ST6GALNAC3: variants seen among roughly 807,000 people sequenced by gnomAD.
The protein encoded by ST6GALNAC3 is alpha-N-acetylgalactosaminide alpha-2,6-sialyltransferase 3.
ST6GALNAC3 carries 25 observed loss-of-function variants against 32.7 expected under a neutral mutation model. That is an observed-to-expected ratio of 0.76 (90% CI 0.56 to 1.07). The LOEUF (loss-of-function observed/expected upper bound fraction) is 1.07. Among genes scored for constraint, ST6GALNAC3 ranks in the 50% least tolerant of loss-of-function variants. The pLI is 0.00. For missense variants in ST6GALNAC3, 355 were observed against 382.4 expected, an observed-to-expected ratio of 0.93 and a Z score of 0.60; for synonymous variants, 129 against 133.1, an observed-to-expected ratio of 0.97 and a Z score of 0.21.
intron 3 of ST6GALNAC3, among the ~76,000 whole-genome samples, chr1:76,611,044 A>G (rs1647895634): frequency 6.6e-6 from 1 of 151,206 alleles, no homozygotes. Flanking sequence ...AAATTAGAGA[A>G]TTAATCTTTT....
At chr1:76,514,048 CA>C (rs1662028516) in intron 3 of ST6GALNAC3, among the ~76,000 whole-genome samples, 2 of 152,072 alleles carry the variant, frequency 1.3e-5, no homozygotes, top group Admixed American at 1.3e-4. Flanking sequence ...TTAGTTTTAA[CA>C]GTTTTGTTGT....
chr1:76,581,580 T>C (rs1646892483), intron 3 of ST6GALNAC3, among the ~76,000 whole-genome samples: 1 of 152,206 alleles, frequency 6.6e-6, no homozygotes, highest in Non-Finnish European at 1.5e-5. Context: ...ACATTTTTAC[T>C]GTACTCACTC....
intron 1 of ST6GALNAC3, among the ~76,000 whole-genome samples, chr1:76,196,817 C>T (rs1414378677): frequency 6.6e-6 from 1 of 152,076 alleles, no homozygotes; most frequent in Non-Finnish European, 1.5e-5. Flanking sequence ...AGGTTTGATG[C>T]CCTTTTCTTT....
intron 1 of ST6GALNAC3, among the ~76,000 whole-genome samples, chr1:76,296,570 A>AT (rs1660417262): frequency 6.6e-6 from 1 of 151,922 alleles, no homozygotes; most frequent in Non-Finnish European, 1.5e-5. Flanking sequence ...TTTACTGTCC[A>AT]TTTCCAGACC....
chr1:76,167,284 T>C (rs1652185775), intron 1 of ST6GALNAC3, among the ~76,000 whole-genome samples: 1 of 152,234 alleles, frequency 6.6e-6, no homozygotes, highest in African/African-American at 2.4e-5. Flanking sequence ...GTTCTGTTTA[T>C]ATGATGGCTC....
At chr1:76,589,307 A>T (rs537400480) in intron 3 of ST6GALNAC3, among the ~76,000 whole-genome samples, 3 of 152,122 alleles carry the variant, frequency 2.0e-5, no homozygotes, top group African/African-American at 7.2e-5. Flanking sequence ...TGCAAAAATC[A>T]TGCACTTTCC....
chr1:76,246,240 T>C (rs1462904249), intron 1 of ST6GALNAC3, among the ~76,000 whole-genome samples: 1 of 152,188 alleles, frequency 6.6e-6, no homozygotes, highest in African/African-American at 2.4e-5. Context: ...TCCTGCTTTT[T>C]TTTGGGCTTT....
chr1:76,405,908 T>C (rs1405462544), intron 2 of ST6GALNAC3, among the ~76,000 whole-genome samples: 8 of 151,950 alleles, frequency 5.3e-5, no homozygotes, highest in African/African-American at 1.7e-4. Context: ...ATTATAAAAA[T>C]GCTAGAGACT....
intron 2 of ST6GALNAC3, among the ~76,000 whole-genome samples, chr1:76,377,865 A>T (rs758201036): frequency 3.9e-5 from 6 of 152,206 alleles, no homozygotes; most frequent in Non-Finnish European, 8.8e-5. Context: ...GCAATCATAT[A>T]ACTGAACCTT....
chr1:76,595,588 C>A (rs1441735721), intron 3 of ST6GALNAC3, among the ~76,000 whole-genome samples: 1 of 152,100 alleles, frequency 6.6e-6, no homozygotes, highest in East Asian at 1.9e-4. Context: ...TTTCAAGTCC[C>A]TGAAACCTCA....
At chr1:76,407,300 G>A (rs1653903560) in intron 2 of ST6GALNAC3, among the ~76,000 whole-genome samples, 1 of 151,984 alleles carries the variant, frequency 6.6e-6, no homozygotes, top group Admixed American at 6.6e-5. Context: ...GCACAGAATA[G>A]GTACTAAATA....
intron 1 of ST6GALNAC3, among the ~76,000 whole-genome samples, chr1:76,163,406 C>T (rs1010539215): frequency 2.0e-5 from 3 of 152,060 alleles, no homozygotes; most frequent in Non-Finnish European, 2.9e-5. Context: ...TGTAGTGTAC[C>T]CTGGGCAGTG....
rs60454163 is a variant in ST6GALNAC3, at chr1:76,102,235, T to TTGTGTGTGTG, written c.18+27374_18+27383dup. Among the ~76,000 whole-genome samples the TTGTGTGTGTG allele has an allele frequency of 1.1e-3, 158 of 147,520 alleles. 2 individuals are homozygous for TTGTGTGTGTG. The highest frequency in any genetic ancestry group is 3.8e-3 in the African/African-American group (152 of 39,820). ...TTCAGTTAGTATTTGCCTGGTGTGTTTGTGTGTGTGTGTGTGTGTGTGTGT... is the reference window on the plus strand; with the variant it reads ...TTCAGTTAGTATTTGCCTGGTGTGTTTGTGTGTGTGTGTGTGTGTGTGTGTGTGTGTGTGT... On this transcript the variant is annotated intron_variant, in intron 1 of 4. Coordinates refer to ENST00000328299, the MANE Select transcript of ST6GALNAC3 (RefSeq NM_152996.4).
At chr1:76,595,273 A>T (rs1368479533) in intron 3 of ST6GALNAC3, among the ~76,000 whole-genome samples, 1 of 152,158 alleles carries the variant, frequency 6.6e-6, no homozygotes, top group Non-Finnish European at 1.5e-5. Flanking sequence ...TTGTGCTGGC[A>T]TGGTCAAAGG....
chr1:76,117,496 A>G (rs548204367), intron 1 of ST6GALNAC3, among the ~76,000 whole-genome samples: 1 of 152,236 alleles, frequency 6.6e-6, no homozygotes, highest in African/African-American at 2.4e-5. Context: ...GCAAACAGCA[A>G]TATTATTAGC....
intron 3 of ST6GALNAC3, among the ~76,000 whole-genome samples, chr1:76,489,940 C>T (rs957397351): frequency 2.6e-5 from 4 of 152,142 alleles, no homozygotes; most frequent in African/African-American, 9.7e-5. Flanking sequence ...TTCCCTAAGC[C>T]CCAGGTAGCT....
chr1:76,183,871 T>TA (rs1557679631), intron 1 of ST6GALNAC3, among the ~76,000 whole-genome samples: 1 of 146,766 alleles, frequency 6.8e-6, no homozygotes, highest in East Asian at 2.0e-4. Context: ...TATATATATA[T>TA]ATGTATGTTA....
intron 3 of ST6GALNAC3, among the ~76,000 whole-genome samples, chr1:76,594,725 A>G (rs1487608442): frequency 6.6e-6 from 1 of 152,146 alleles, no homozygotes; most frequent in African/African-American, 2.4e-5. Context: ...TCAATAAACT[A>G]TGTTACCACT....
intron 3 of ST6GALNAC3, among the ~76,000 whole-genome samples, chr1:76,623,326 G>A (rs1648761295): frequency 6.6e-6 from 1 of 151,928 alleles, no homozygotes; most frequent in Admixed American, 6.6e-5. Context: ...TAAAATCAAA[G>A]GATTGATGGC....
Sources: gnomAD v4.1 joint callset for allele counts (sites outside exome capture counted in the v4.1 genomes callset) on GRCh38, gnomAD v4.1.1 for gene constraint, MANE v1.5 for transcripts, NCBI Gene and HGNC (gene_info 2026-07-23, HGNC 2026-07-21) for gene names.